The following ARMC9 variants were observed in gnomAD, a reference collection of about 807,000 sequenced individuals.
The protein encoded by ARMC9 is armadillo repeat containing 9, also known as lisH domain-containing protein ARMC9.
In ARMC9, 94 loss-of-function variants were observed where a neutral mutation model predicts 107.0. That is an observed-to-expected ratio of 0.88 (90% CI 0.74 to 1.04). The LOEUF (loss-of-function observed/expected upper bound fraction) is 1.04, where lower values mean the gene tolerates loss of function less well. ARMC9 is among the 50% of genes least tolerant of loss of function. The probability of loss-of-function intolerance (pLI) is 0.00; values close to 1 mark genes in which losing one functional copy is unlikely to be tolerated. For missense variants in ARMC9, 942 were observed against 1,030.1 expected (o/e 0.91, Z 1.17); for synonymous variants, 380 against 396.9 (o/e 0.96, Z 0.51).
Position 231,336,633 on chromosome 2 carries a change from C to T in ARMC9, c.1878+4736C>T, listed in dbSNP as rs6709889. Reference sequence around the variant, plus strand: ...TAGTGAATGCTAATTGCTCCCTTTCCACACTTCCTTTCCCCTCCATCAAGT... The same window carrying T: ...TAGTGAATGCTAATTGCTCCCTTTCTACACTTCCTTTCCCCTCCATCAAGT... On this transcript the variant is annotated intron_variant, in intron 20 of 24. Coordinates refer to ENST00000611582, the MANE Select transcript of ARMC9 (RefSeq NM_001352754.2). 5.8e-3 allele frequency among the ~76,000 whole-genome samples: 879 copies of T among 152,336 alleles called. 11 individuals are homozygous for T. Among genetic ancestry groups the T allele is most frequent in the African/African-American group, 0.02 (826 of 41,572 alleles).
At chr2:231,311,595 C>T (rs1335649391) in intron 19 of ARMC9, among the ~76,000 whole-genome samples, 1 of 151,972 alleles carries the variant, frequency 6.6e-6, no homozygotes, top group Non-Finnish European at 1.5e-5. Context: ...CATGGTGAAA[C>T]ACCGTCTCTA....
chr2:231,261,982 C>T (rs886889828), intron 11 of ARMC9, among the ~76,000 whole-genome samples: 123 of 152,134 alleles, frequency 8.1e-4, no homozygotes, highest in Non-Finnish European at 1.4e-3. Flanking sequence ...GCACCACACC[C>T]GGCTAATTTT....
intron 9 of ARMC9, among the ~76,000 whole-genome samples, chr2:231,244,571 T>A (rs2036589041): frequency 6.6e-6 from 1 of 152,154 alleles, no homozygotes; most frequent in South Asian, 2.1e-4. Flanking sequence ...GGTCTCACTA[T>A]GTTGCCCAGG....
chr2:231,353,263 C>T (rs1408244975), intron 21 of ARMC9, among the ~76,000 whole-genome samples: 5 of 128,310 alleles, frequency 3.9e-5, no homozygotes, highest in Non-Finnish European at 7.5e-5. Context: ...TCTCGGCTCA[C>T]TGCAAGCTCC....
intron 13 of ARMC9, among the ~76,000 whole-genome samples, chr2:231,271,495 C>G (rs954598946): frequency 4.6e-5 from 7 of 152,176 alleles, no homozygotes; most frequent in African/African-American, 1.7e-4. Flanking sequence ...AAGACTATGA[C>G]CTCTTAAATC....
At chr2:231,242,677 TCCTC>T (rs746239753) in intron 9 of ARMC9, among the ~76,000 whole-genome samples, 2 of 152,170 alleles carry the variant, frequency 1.3e-5, no homozygotes, top group Non-Finnish European at 2.9e-5. Flanking sequence ...ACTCCTTTCT[TCCTC>T]CTTCCCATTT....
At chr2:231,246,779 C>A (rs931022306) in intron 9 of ARMC9, among the ~76,000 whole-genome samples, 1 of 152,154 alleles carries the variant, frequency 6.6e-6, no homozygotes, top group African/African-American at 2.4e-5. Context: ...CTGCTTTTCA[C>A]AGTGGCTAAT....
At chr2:231,329,189 T>C (rs1157443073) in intron 19 of ARMC9, among the ~76,000 whole-genome samples, 2 of 151,994 alleles carry the variant, frequency 1.3e-5, no homozygotes, top group Non-Finnish European at 2.9e-5. Flanking sequence ...CTACAAAATA[T>C]CTTGCTGGGA....
chr2:231,231,946 C>A (rs1358542957), intron 7 of ARMC9, among the ~76,000 whole-genome samples: 12 of 152,122 alleles, frequency 7.9e-5, no homozygotes, highest in African/African-American at 2.9e-4. Flanking sequence ...GCCTTGGCCT[C>A]CCAAAATGCT....
chr2:231,279,511 C>CTTTTTTTTTTTTTTTTTTTTTTTTT (rs57779512), intron 16 of ARMC9, among the ~76,000 whole-genome samples: 3 of 124,804 alleles, frequency 2.4e-5, no homozygotes, highest in Non-Finnish European at 3.3e-5. Flanking sequence ...TTTCTTTTTT[C>CTTTTTTTTTTTTTTTTTTTTTTTTT]TTTTTTTTTT....
At chr2:231,308,536 T>C (rs1300530287) in intron 19 of ARMC9, among the ~76,000 whole-genome samples, 1 of 152,016 alleles carries the variant, frequency 6.6e-6, no homozygotes, top group Non-Finnish European at 1.5e-5. Context: ...CCTTGGACCC[T>C]AGGTAGCTGG....
rs780518289 is a variant in ARMC9, at chr2:231,214,878, C to T, written c.225C>T (p.Phe75=). ...AFDNGDQKVF[F]DLWEEHISSS... ...ACAACGGAGACCAGAAGGTGTTCTT[C>T]GATCTGTGGGAGGAGCACATTTCAA... Residue 75 remains phenylalanine, a synonymous_variant, in exon 4 of 25, where the codon TTC becomes TTT. Coordinates refer to ENST00000611582, the MANE Select transcript of ARMC9 (RefSeq NM_001352754.2). 15 of 1,614,024 alleles carry T rather than the reference C, an allele frequency of 9.3e-6. No individual in the cohort carries two copies. The Admixed American group carries it at 1.2e-4, about 13-fold the overall frequency.
intron 23 of ARMC9, among the ~76,000 whole-genome samples, chr2:231,368,161 T>C (rs959078106): frequency 6.6e-6 from 1 of 152,040 alleles, no homozygotes; most frequent in South Asian, 2.1e-4. Flanking sequence ...TGTACAATTA[T>C]TTATCAGTTT....
intron 19 of ARMC9, among the ~76,000 whole-genome samples, chr2:231,308,504 A>T (rs944596087): frequency 1.3e-5 from 2 of 152,154 alleles, no homozygotes; most frequent in Non-Finnish European, 2.9e-5. Context: ...GAGGCATGAC[A>T]TGAGTAACCA....
Position 231,275,637 on chromosome 2 carries a change from G to A in ARMC9, c.1335-999G>A, listed in dbSNP as rs1278449865. The stretch of plus-strand genomic sequence containing the variant: ...TATACAGCTCAGAGTGCCTAGAGCT[G>A]GATTATAGAGCGTTTAGGTAAAAAT... On this transcript the variant is annotated intron_variant, in intron 14 of 24. Transcript: ENST00000611582. Among the ~76,000 whole-genome samples the A allele has an allele frequency of 2.0e-5, 3 of 152,156 alleles. No homozygotes were observed. In the East Asian group the frequency reaches 5.8e-4, roughly 29 times the overall value.
At chr2:231,234,092 C>T (rs1484958431) in intron 7 of ARMC9, among the ~76,000 whole-genome samples, 2 of 152,164 alleles carry the variant, frequency 1.3e-5, no homozygotes, top group African/African-American at 2.4e-5. Context: ...TCTCCATATC[C>T]TTGAAACCTG....
chr2:231,292,656 A>T (rs148606699), intron 18 of ARMC9, among the ~76,000 whole-genome samples: 3 of 152,302 alleles, frequency 2.0e-5, no homozygotes, highest in Middle Eastern at 3.4e-3. Context: ...TGCCAGAGGT[A>T]CCAAGCACTG....
chr2:231,240,760 CCGTCCT>C (rs1454601759), intron 9 of ARMC9, among the ~76,000 whole-genome samples: 2 of 152,132 alleles, frequency 1.3e-5, no homozygotes, highest in Non-Finnish European at 2.9e-5. Context: ...ACTGCATTTC[CCGTCCT>C]CTGGTCATCT....
intron 1 of ARMC9, among the ~76,000 whole-genome samples, chr2:231,205,705 A>G (rs1001192255): frequency 1.3e-4 from 20 of 152,250 alleles, no homozygotes; most frequent in African/African-American, 4.6e-4. Flanking sequence ...AATATCTTCT[A>G]GTTCTGGAGG....
Sources: gnomAD v4.1 joint callset for allele counts (sites outside exome capture counted in the v4.1 genomes callset) on GRCh38, gnomAD v4.1.1 for gene constraint, MANE v1.5 for transcripts, NCBI Gene and HGNC (gene_info 2026-07-23, HGNC 2026-07-21) for gene names.